The following CAMKMT variants were observed in gnomAD, a reference collection of about 807,000 sequenced individuals.
The protein encoded by CAMKMT is calmodulin-lysine N-methyltransferase, also known as CaM KMT.
CAMKMT carries 53 observed loss-of-function variants against 48.0 expected under a neutral mutation model. The ratio of observed to expected loss-of-function variants is 1.10; its 90% CI spans 0.89 to 1.39. The LOEUF (loss-of-function observed/expected upper bound fraction) is 1.39. Ranked by LOEUF, CAMKMT falls within the 40% of genes most tolerant of loss-of-function variation. The pLI is 0.00. For missense variants in CAMKMT, 428 were observed against 402.7 expected, an observed-to-expected ratio of 1.06 and a Z score of -0.54; for synonymous variants, 165 against 152.3, an observed-to-expected ratio of 1.08 and a Z score of -0.61.
At chr2:44,721,456 G>T (rs1678456728) in intron 7 of CAMKMT, among the ~76,000 whole-genome samples, 1 of 152,082 alleles carries the variant, frequency 6.6e-6, no homozygotes, top group Non-Finnish European at 1.5e-5. Context: ...ATTTCTAGTA[G>T]TTACTTATTC....
At chr2:44,603,811 G>A (rs371504930) in intron 3 of CAMKMT, among the ~76,000 whole-genome samples, 4 of 152,148 alleles carry the variant, frequency 2.6e-5, no homozygotes, top group Middle Eastern at 3.2e-3. Context: ...TGAGATGCTG[G>A]CTGGATTCAT....
At chr2:44,554,144 C>A (rs959872417) in intron 3 of CAMKMT, among the ~76,000 whole-genome samples, 1 of 152,148 alleles carries the variant, frequency 6.6e-6, no homozygotes, top group African/African-American at 2.4e-5. Context: ...TATGTTCAGT[C>A]GGAGTTCCTG....
At chr2:44,445,480 TCTC>T (rs1330179147) in intron 3 of CAMKMT, among the ~76,000 whole-genome samples, 1 of 152,028 alleles carries the variant, frequency 6.6e-6, no homozygotes, top group Non-Finnish European at 1.5e-5. Flanking sequence ...TTTTTTCTTT[TCTC>T]CTCCTTGGTT....
At chr2:44,426,427 A>G (rs1684280396) in intron 3 of CAMKMT, among the ~76,000 whole-genome samples, 1 of 152,218 alleles carries the variant, frequency 6.6e-6, no homozygotes, top group East Asian at 1.9e-4. Flanking sequence ...GTGGTTCTGT[A>G]CCTAGAAAAC....
In CAMKMT at chr2:44,572,488, A is replaced by T. The variant is rs533648193; in HGVS notation, c.377-131795A>T. ...CCTTTTTGAGGCTGAATATTATTCT[A>T]TTGCATGTATATATTAATACTATAT... On this transcript the variant is annotated intron_variant, in intron 3 of 10. Transcript: ENST00000378494. 3.3e-5 allele frequency among the ~76,000 whole-genome samples: 5 copies of T among 152,320 alleles called. No individual in the cohort carries two copies. The East Asian group carries it at 9.6e-4, about 29-fold the overall frequency.
At chr2:44,477,774 T>C (rs1301473940) in intron 3 of CAMKMT, among the ~76,000 whole-genome samples, 1 of 152,196 alleles carries the variant, frequency 6.6e-6, no homozygotes, top group African/African-American at 2.4e-5. Flanking sequence ...TAAAGATATT[T>C]AAAGAAAAGA....
At chr2:44,368,664 C>T (rs786620) in intron 1 of CAMKMT, among the ~76,000 whole-genome samples, 81,005 of 151,912 alleles carry the variant, frequency 0.53, 23,999 homozygotes, top group Non-Finnish European at 0.67. Flanking sequence ...TACCTTGGTG[C>T]CATTACCTTG....
intron 3 of CAMKMT, among the ~76,000 whole-genome samples, chr2:44,502,862 A>G (rs762281526): frequency 6.6e-6 from 1 of 152,188 alleles, no homozygotes; most frequent in Non-Finnish European, 1.5e-5. Context: ...AATTAAAGGA[A>G]AATACTATGT....
At chr2:44,677,707 T>TA (rs70937929) in intron 3 of CAMKMT, among the ~76,000 whole-genome samples, 2,555 of 147,518 alleles carry the variant, frequency 0.017, 69 homozygotes, top group African/African-American at 0.056. Flanking sequence ...AGACTCCGTC[T>TA]AAAAAAAAAA....
intron 3 of CAMKMT, among the ~76,000 whole-genome samples, chr2:44,430,683 G>T (rs1380807828): frequency 6.6e-6 from 1 of 152,012 alleles, no homozygotes; most frequent in African/African-American, 2.4e-5. Context: ...TCAATTCATG[G>T]CACAAAATGC....
At chr2:44,591,337 C>A (rs1398039334) in intron 3 of CAMKMT, among the ~76,000 whole-genome samples, 1 of 152,160 alleles carries the variant, frequency 6.6e-6, no homozygotes, top group Admixed American at 6.5e-5. Flanking sequence ...CTATAAATTA[C>A]CTTGGGCAGT....
At chr2:44,729,137 C>G (rs75829584) in intron 7 of CAMKMT, among the ~76,000 whole-genome samples, 1 of 151,132 alleles carries the variant, frequency 6.6e-6, no homozygotes, top group South Asian at 2.1e-4. Context: ...AGTGACTGTA[C>G]GTAGAATGTA....
At chr2:44,522,788 T>A (rs1671187188) in intron 3 of CAMKMT, among the ~76,000 whole-genome samples, 1 of 152,214 alleles carries the variant, frequency 6.6e-6, no homozygotes, top group South Asian at 2.1e-4. Flanking sequence ...CTAAATTTTG[T>A]TTGAGAATGG....
At chr2:44,542,496 T>TAC (rs371102222) in intron 3 of CAMKMT, among the ~76,000 whole-genome samples, 4,039 of 133,962 alleles carry the variant, frequency 0.03, 55 homozygotes, top group East Asian at 0.044. Flanking sequence ...CACATACACA[T>TAC]ACACACACAC....
rs184847944 is a variant in CAMKMT, at chr2:44,595,226, T to C, written c.377-109057T>C. On this transcript the variant is annotated intron_variant, in intron 3 of 10. Transcript: ENST00000378494. ...GTGGGAGGGTAAATTAGTTCAACCA[T>C]TGTGGAAGACAGTGTGGCAATTCAC... Among the ~76,000 whole-genome samples the C allele has an allele frequency of 5.3e-5, 8 of 151,622 alleles. No homozygotes were observed. The East Asian group carries it at 1.6e-3, about 30-fold the overall frequency.
Position 44,757,975 on chromosome 2 carries a change from A to G in CAMKMT, c.762+3857A>G, listed in dbSNP as rs140244237. Among the ~76,000 whole-genome samples the G allele has an allele frequency of 2.0e-5, 3 of 152,278 alleles. No individual in the cohort carries two copies. In the East Asian group the frequency reaches 5.8e-4, roughly 29 times the overall value. On this transcript the variant is annotated intron_variant, in intron 9 of 10. Transcript: ENST00000378494. ...TTGAGAATTTCTGCACATAATTGGCACACTGCATCTCCCCTGCACATGTAT... is the reference window on the plus strand; with the variant it reads ...TTGAGAATTTCTGCACATAATTGGCGCACTGCATCTCCCCTGCACATGTAT...
intron 3 of CAMKMT, among the ~76,000 whole-genome samples, chr2:44,669,481 C>T (rs1296160299): frequency 6.6e-6 from 1 of 152,134 alleles, no homozygotes; most frequent in Non-Finnish European, 1.5e-5. Flanking sequence ...CTTGATGTTA[C>T]CTAATTATCC....
chr2:44,445,262 T>C (rs1316184290), intron 3 of CAMKMT, among the ~76,000 whole-genome samples: 2 of 152,124 alleles, frequency 1.3e-5, no homozygotes, highest in African/African-American at 2.4e-5. Context: ...GCACCTGTTA[T>C]GGTTTCTAGG....
intron 3 of CAMKMT, among the ~76,000 whole-genome samples, chr2:44,673,520 A>AGGAAGGAAGGAAGGAAGGAG (rs1280980481): frequency 7.9e-5 from 7 of 88,062 alleles, no homozygotes; most frequent in African/African-American, 3.1e-4. Context: ...GAAGGAAGGA[A>AGGAAGGAAGGAAGGAAGGAG]GGAGGGAAGG....
Sources: gnomAD v4.1 joint callset for allele counts (sites outside exome capture counted in the v4.1 genomes callset) on GRCh38, gnomAD v4.1.1 for gene constraint, MANE v1.5 for transcripts, NCBI Gene and HGNC (gene_info 2026-07-23, HGNC 2026-07-21) for gene names.